The following SLC8A1 variants were observed in gnomAD, a reference collection of about 807,000 sequenced individuals.
SLC8A1 encodes the protein sodium/calcium exchanger 1.
Under a neutral mutation model 68.3 loss-of-function variants are expected in SLC8A1, and 18 were observed. The ratio of observed to expected loss-of-function variants is 0.26; its 90% confidence interval spans 0.18 to 0.39. The LOEUF (loss-of-function observed/expected upper bound fraction) is 0.39, where lower values mean the gene tolerates loss of function less well. Among genes scored for constraint, SLC8A1 ranks in the 10% least tolerant of loss-of-function variants. The probability of loss-of-function intolerance (pLI) is 1.00; values close to 1 mark genes in which losing one functional copy is unlikely to be tolerated. For synonymous variants in SLC8A1, 475 were observed against 415.5 expected (o/e 1.14, Z -1.74); for missense variants, 985 against 1,156.7 (o/e 0.85, Z 2.15).
intron 2 of SLC8A1, among the ~76,000 whole-genome samples, chr2:40,322,562 G>A (rs543855637): frequency 1.5e-4 from 22 of 150,324 alleles, no homozygotes; most frequent in African/African-American, 5.1e-4. Flanking sequence ...TTTAGTACCA[G>A]CAAGTCAGGA....
At chr2:40,379,410 C>T (rs540674253) in intron 2 of SLC8A1, among the ~76,000 whole-genome samples, 6 of 152,052 alleles carry the variant, frequency 3.9e-5, no homozygotes, top group Non-Finnish European at 7.4e-5. Flanking sequence ...TTTCTTCCTT[C>T]AACCATAATA....
chr2:40,145,192 TTCTC>T (rs10577241), intron 6 of SLC8A1, among the ~76,000 whole-genome samples: 48,602 of 151,824 alleles, frequency 0.32, 8,197 homozygotes, highest in African/African-American at 0.43. Context: ...ATATTTTTCT[TTCTC>T]TGTCTGGCTT....
At chr2:40,415,621 A>G (rs1693569347) in intron 2 of SLC8A1, among the ~76,000 whole-genome samples, 2 of 152,088 alleles carry the variant, frequency 1.3e-5, no homozygotes, top group Admixed American at 1.3e-4. Flanking sequence ...TAAAGCAAAC[A>G]AACGGCAACA....
At chr2:40,431,851 C>T (rs868661791) in intron 1 of SLC8A1, among the ~76,000 whole-genome samples, 2 of 152,058 alleles carry the variant, frequency 1.3e-5, no homozygotes, top group Admixed American at 6.5e-5. Context: ...AGGAGAACAC[C>T]GCTGCCTAGG....
At chr2:40,242,897 A>G (rs1477446095) in intron 2 of SLC8A1, among the ~76,000 whole-genome samples, 1 of 152,224 alleles carries the variant, frequency 6.6e-6, no homozygotes, top group Non-Finnish European at 1.5e-5. Flanking sequence ...TGCTGTCTCC[A>G]TTTTTATAAA....
At chr2:40,203,488 T>C (rs1236776199) in intron 2 of SLC8A1, among the ~76,000 whole-genome samples, 2 of 151,948 alleles carry the variant, frequency 1.3e-5, no homozygotes, top group Non-Finnish European at 2.9e-5. Context: ...TCCCAAATCA[T>C]TGGTCTGAAA....
At chr2:40,246,259 T>C (rs1307840671) in intron 2 of SLC8A1, among the ~76,000 whole-genome samples, 1 of 152,228 alleles carries the variant, frequency 6.6e-6, no homozygotes, top group African/African-American at 2.4e-5. Context: ...CATTTTTACT[T>C]TAGAAATACA....
intron 2 of SLC8A1, among the ~76,000 whole-genome samples, chr2:40,425,623 T>C (rs1439144217): frequency 1.3e-5 from 2 of 151,838 alleles, no homozygotes; most frequent in Non-Finnish European, 2.9e-5. Context: ...GTTTAAGTAC[T>C]GTAGGTTTTG....
At chr2:40,133,100 G>A (rs1287484046) in intron 7 of SLC8A1, among the ~76,000 whole-genome samples, 1 of 152,080 alleles carries the variant, frequency 6.6e-6, no homozygotes, top group African/African-American at 2.4e-5. Context: ...GTATCATTAG[G>A]CTGATTTTAC....
exon 8 of SLC8A1, chr2:40,104,887 C>A (rs962647786): frequency 2.0e-5 from 3 of 151,650 alleles, no homozygotes; most frequent in Admixed American, 6.6e-5. Context: ...GGTTTGATTT[C>A]TTTTTTATTC....
intron 2 of SLC8A1, among the ~76,000 whole-genome samples, chr2:40,284,501 CCAA>C (rs1405685521): frequency 2.8e-5 from 4 of 140,490 alleles, no homozygotes; most frequent in Non-Finnish European, 6.0e-5. Context: ...ACATATCTAG[CCAA>C]CAATATATAT....
intron 2 of SLC8A1, among the ~76,000 whole-genome samples, chr2:40,417,870 T>TAC (rs70957174): frequency 0.069 from 10,168 of 147,226 alleles, 452 homozygotes; most frequent in East Asian, 0.26. Flanking sequence ...CTTGGATGGA[T>TAC]ACACACACAC....
intron 2 of SLC8A1, among the ~76,000 whole-genome samples, chr2:40,379,990 C>T (rs1238323864): frequency 1.3e-5 from 2 of 152,014 alleles, no homozygotes; most frequent in African/African-American, 2.4e-5. Flanking sequence ...TACTTTAAGT[C>T]TTATTTATGT....
intron 2 of SLC8A1, among the ~76,000 whole-genome samples, chr2:40,288,825 C>T (rs1247264770): frequency 7.4e-6 from 1 of 135,788 alleles, no homozygotes; most frequent in South Asian, 2.1e-4. Context: ...AATGTCTCTA[C>T]TAAGTAATCA....
intron 1 of SLC8A1, among the ~76,000 whole-genome samples, chr2:40,445,325 T>A (rs1374395182): frequency 2.0e-5 from 3 of 152,156 alleles, no homozygotes; most frequent in Non-Finnish European, 4.4e-5. Context: ...TGTTAGTCAG[T>A]ATTCTCAAAC....
At chr2:40,480,475 A>G (rs1704559394) in intron 1 of SLC8A1, among the ~76,000 whole-genome samples, 1 of 152,200 alleles carries the variant, frequency 6.6e-6, no homozygotes, top group African/African-American at 2.4e-5. Flanking sequence ...TTCTCATCAG[A>G]TACGGAGTTT....
intron 2 of SLC8A1, among the ~76,000 whole-genome samples, chr2:40,226,099 T>G (rs1035452046): frequency 6.6e-6 from 1 of 152,142 alleles, no homozygotes; most frequent in Non-Finnish European, 1.5e-5. Context: ...TTACATGAGA[T>G]GACAGTTGGT....
intron 2 of SLC8A1, among the ~76,000 whole-genome samples, chr2:40,263,884 A>G (rs1236555333): frequency 1.3e-5 from 2 of 152,234 alleles, no homozygotes; most frequent in Non-Finnish European, 2.9e-5. Context: ...GTGCACAGCA[A>G]AAGAAACTAC....
chr2:40,164,854 C>T, exon 5 of SLC8A1: 1 of 1,613,694 alleles, frequency 6.2e-7, no homozygotes, highest in Non-Finnish European at 8.5e-7. Flanking sequence ...GTGAGCATAC[C>T]TTGAATTCAT....
Sources: gnomAD v4.1 joint callset for allele counts (sites outside exome capture counted in the v4.1 genomes callset) on GRCh38, gnomAD v4.1.1 for gene constraint, MANE v1.5 for transcripts, NCBI Gene and HGNC (gene_info 2026-07-23, HGNC 2026-07-21) for gene names.